Variants in SEPTIN2 observed in about 807,000 individuals in gnomAD.
SEPTIN2 encodes the protein septin-2.
SEPTIN2 carries 34 observed loss-of-function variants against 46.5 expected under a neutral mutation model. That is an observed-to-expected ratio of 0.73 (90% CI 0.56 to 0.97). The LOEUF (loss-of-function observed/expected upper bound fraction) is 0.97, where lower values mean the gene tolerates loss of function less well. Ranked by LOEUF, SEPTIN2 falls within the 50% of genes least tolerant of loss-of-function variation. The pLI is 0.00. For missense variants in SEPTIN2, 347 were observed against 448.4 expected (o/e 0.77, Z 2.04); for synonymous variants, 175 against 153.4 (o/e 1.14, Z -1.04).
chr2:241,350,998 T>C (rs1404359856), intron 12 of SEPTIN2, among the ~76,000 whole-genome samples: 8 of 152,138 alleles, frequency 5.3e-5, no homozygotes, highest in Non-Finnish European at 5.9e-5. Flanking sequence ...ACAAACCTCA[T>C]ACAAGAGATC....
rs1335969155 is a variant in SEPTIN2, at chr2:241,346,221, C to T, written c.898C>T (p.Arg300Cys). ...VTQDLHYENF[R>C]SERLKRGGRK... ...CCAGGACCTTCATTATGAAAACTTC[C>T]GTTCTGAGAGACTCAAGAGAGGCGG... Residue 300 changes from arginine to cysteine, a missense_variant, in exon 10 of 13, where the codon CGT (arginine) becomes TGT (cysteine). Arg to Cys is a radical substitution (Grantham distance 180). Transcript: ENST00000391971. The T allele has an allele frequency of 1.2e-6, 2 of 1,613,790 alleles. No homozygotes were observed. Among genetic ancestry groups the T allele is most frequent in the Non-Finnish European group, 1.7e-6 (2 of 1,179,904 alleles).
chr2:241,350,266 A>C (rs564891671), intron 12 of SEPTIN2, 63 bp downstream of exon 12: 35 of 932,898 alleles, frequency 3.8e-5, no homozygotes, highest in Non-Finnish European at 4.4e-5. Context: ...CAGCTTAAAT[A>C]TGACAGGTTC....
At chr2:241,335,941 C>T in intron 4 of SEPTIN2, 34 bp from the exon 5 acceptor site, 7 of 1,614,020 alleles carry the variant, frequency 4.3e-6, no homozygotes, top group Non-Finnish European at 5.9e-6. Flanking sequence ...TCACATGCTG[C>T]TTATATTCCC....
intron 2 of SEPTIN2, 122 bp from the exon 3 acceptor site, chr2:241,325,871 T>G (rs550005884): frequency 2.3e-6 from 2 of 875,806 alleles, no homozygotes; most frequent in Non-Finnish European, 3.4e-6. Context: ...CTGGAAGTGT[T>G]TATACTTTTT....
Position 241,352,003 on chromosome 2 carries a change from A to G in SEPTIN2, c.*66A>G, listed in dbSNP as rs1352276288. On this transcript the variant is annotated 3_prime_UTR_variant, in exon 13 of 13. Coordinates refer to ENST00000391971, the MANE Select transcript of SEPTIN2 (RefSeq NM_004404.5). ...CTGGATAAAAAAGAAAACATTCCAG[A>G]TGCATGATCCAGCTGTGTGTTTTCA... 6.6e-6 allele frequency: 1 copy of G among 152,648 alleles called. No homozygotes were observed. Among genetic ancestry groups the G allele is most frequent in the Non-Finnish European group, 1.5e-5 (1 of 68,050 alleles). The allele number at this position is 152,648 out of a possible 1,614,324, so 9.5% of individuals were successfully genotyped here. A position where few individuals can be genotyped will look rare whatever the true frequency, so the allele number is the denominator to read the frequency against.
intron 7 of SEPTIN2, 105 bp downstream of exon 7, chr2:241,337,895 C>A: frequency 1.5e-6 from 1 of 679,942 alleles, no homozygotes; most frequent in South Asian, 2.5e-5. Context: ...TGTCGGGAGG[C>A]AGGGCGGGAG....
rs1044612041 is a variant in SEPTIN2, at chr2:241,352,104, T to G, written c.*167T>G. On this transcript the variant is annotated 3_prime_UTR_variant, in exon 13 of 13. Transcript: ENST00000391971. ...TTAATTTTTAAAAGACTTTGATGTG[T>G]TTTTGTATGAAGTACTTTTAACGTA... 6.6e-6 allele frequency: 1 copy of G among 152,648 alleles called. No individual in the cohort carries two copies. The highest frequency in any genetic ancestry group is 1.5e-5 in the Non-Finnish European group (1 of 68,044). 9.5% of individuals were successfully genotyped at this position (152,648 alleles called of 1,614,324 possible).
intron 11 of SEPTIN2, among the ~76,000 whole-genome samples, chr2:241,349,679 G>C (rs2060611088): frequency 6.6e-6 from 1 of 151,904 alleles, no homozygotes. Context: ...AAATCAGCTG[G>C]GCGTGGTGGT....
At chr2:241,332,291 G>A in intron 3 of SEPTIN2, among the ~76,000 whole-genome samples, 1 of 152,226 alleles carries the variant, frequency 6.6e-6, no homozygotes, top group South Asian at 2.1e-4. Context: ...CAAAGGATAT[G>A]TGTCCAGAAT....
chr2:241,338,844 TA>T, intron 7 of SEPTIN2, among the ~76,000 whole-genome samples: 1 of 97,408 alleles, frequency 1.0e-5, no homozygotes, highest in Non-Finnish European at 1.8e-5. Flanking sequence ...ATATAATAAA[TA>T]TATAATATAT....
chr2:241,341,545 A>C (rs1435432492), intron 7 of SEPTIN2, among the ~76,000 whole-genome samples: 1 of 152,186 alleles, frequency 6.6e-6, no homozygotes, highest in Non-Finnish European at 1.5e-5. Context: ...CATGCTTCTT[A>C]TTGCTCAGTT....
At chr2:241,351,041 C>G (rs1329820558) in intron 12 of SEPTIN2, among the ~76,000 whole-genome samples, 2 of 152,096 alleles carry the variant, frequency 1.3e-5, no homozygotes, top group Non-Finnish European at 2.9e-5. Context: ...TTGAGTTGGC[C>G]AAGATCTGAG....
chr2:241,338,842 A>ATATT (rs1559643585), intron 7 of SEPTIN2, among the ~76,000 whole-genome samples: 1 of 15,616 alleles, frequency 6.4e-5, no homozygotes, highest in African/African-American at 1.4e-4. Context: ...ATATATAATA[A>ATATT]ATATATAATA....
At chr2:241,337,223 CTT>C in intron 5 of SEPTIN2, 157 bp from the exon 6 acceptor site, 2 of 683,188 alleles carry the variant, frequency 2.9e-6, no homozygotes. Context: ...TTTCCAAAAA[CTT>C]CCATTTGCCA....
chr2:241,336,104 C>CT lies in SEPTIN2; in HGVS notation c.341+7dup. The CT allele has an allele frequency of 3.1e-6, 5 of 1,613,426 alleles. No homozygotes were observed. In the South Asian group the frequency reaches 3.3e-5, roughly 11 times the overall value. The stretch of plus-strand genomic sequence containing the variant: ...GCTATCAACTGCAGAGATTGGTATG[C>CT]TCCCCCATGCCCAGGGATCTGCATT... On this transcript the variant is annotated splice_region_variant and intron_variant, in intron 5 of 12. Transcript: ENST00000391971.
At position 241,348,125 on chromosome 2, in the gene SEPTIN2, G is replaced by A. The variant is rs778559785; in HGVS notation, c.927-9G>A. The A allele has an allele frequency of 9.9e-6, 16 of 1,608,760 alleles. No individual in the cohort carries two copies. The highest frequency in any genetic ancestry group is 1.6e-4 in the Middle Eastern group (1 of 6,076). On this transcript the variant is annotated splice_polypyrimidine_tract_variant and intron_variant, in intron 10 of 12. Transcript: ENST00000391971. ...CAGTGTTATGATTCTGATTTCTTTC[G>A]ATTCTTAGGAAAGTGGAGAATGAGG...
chr2:241,345,956 A>G (rs1198505476), intron 9 of SEPTIN2, among the ~76,000 whole-genome samples: 4 of 152,096 alleles, frequency 2.6e-5, no homozygotes, highest in Non-Finnish European at 5.9e-5. Context: ...GTGTTTGTAT[A>G]TCATTTATTG....
rs1431434278 is a variant in SEPTIN2 at position 241,353,697 on chromosome 2, C to T, written c.*1760C>T. 6.5e-6 allele frequency: 1 copy of T among 152,856 alleles called. No individual in the cohort carries two copies. The highest frequency in any genetic ancestry group is 1.9e-4 in the East Asian group (1 of 5,192). The allele number at this position is 152,856 out of a possible 1,614,324, so 9.5% of individuals were successfully genotyped here. On this transcript the variant is annotated 3_prime_UTR_variant, in exon 13 of 13. Coordinates refer to ENST00000391971, the MANE Select transcript of SEPTIN2 (RefSeq NM_004404.5). ...TGCGGAGTCCATTATTTGAGTTTGA[C>T]ATTTAATAACTTTGCTGGAAAATCT...
intron 2 of SEPTIN2, chr2:241,325,244 T>A (rs1292581628): frequency 6.6e-6 from 1 of 152,190 alleles, no homozygotes; most frequent in African/African-American, 2.4e-5. Flanking sequence ...TTTTTAAAAT[T>A]TCTTCTCATT....
Sources: allele counts gnomAD v4.1 joint callset (sites outside exome capture counted in the v4.1 genomes callset), GRCh38; gene constraint gnomAD v4.1.1; transcripts MANE v1.5; gene names NCBI Gene and HGNC (gene_info 2026-07-23, HGNC 2026-07-21).